ASXL2: variants seen among roughly 807,000 people sequenced by gnomAD.
The protein encoded by ASXL2 is putative Polycomb group protein ASXL2.
A neutral mutation model predicts 122.0 loss-of-function variants in ASXL2; 23 were observed. That is an observed-to-expected ratio of 0.19 (90% CI 0.14 to 0.27). The LOEUF is 0.27. ASXL2 is among the 10% of genes least tolerant of loss of function. ASXL2 has a pLI of 1.00. For synonymous variants in ASXL2, 650 were observed against 637.0 expected, an observed-to-expected ratio of 1.02 and a Z score of -0.31; for missense variants, 1,518 against 1,713.8, an observed-to-expected ratio of 0.89 and a Z score of 2.02.
At chr2:25,827,245 T>G (rs1212203017) in intron 3 of ASXL2, among the ~76,000 whole-genome samples, 6 of 152,184 alleles carry the variant, frequency 3.9e-5, no homozygotes, top group African/African-American at 1.4e-4. Context: ...CCCACAATCA[T>G]TATTCACATA....
intron 1 of ASXL2, among the ~76,000 whole-genome samples, chr2:25,877,346 A>G (rs542229544): frequency 1.3e-5 from 2 of 152,312 alleles, no homozygotes; most frequent in South Asian, 2.1e-4. Context: ...AAATATGGTA[A>G]AAGTTCTCAC....
chr2:25,840,538 C>T (rs905956362), intron 2 of ASXL2, among the ~76,000 whole-genome samples: 2 of 152,338 alleles, frequency 1.3e-5, no homozygotes, highest in South Asian at 2.1e-4. Context: ...TTCCCCACTA[C>T]TCCAGTCTGT....
chr2:25,773,679 C>A (rs1448311181), intron 5 of ASXL2, among the ~76,000 whole-genome samples: 48 of 123,030 alleles, frequency 3.9e-4, no homozygotes, highest in Non-Finnish European at 5.5e-4. Flanking sequence ...AAAAAAAAAA[C>A]AAAAATCATA....
At chr2:25,782,234 G>C (rs1011009505) in intron 5 of ASXL2, among the ~76,000 whole-genome samples, 41 of 151,970 alleles carry the variant, frequency 2.7e-4, no homozygotes, top group Middle Eastern at 3.4e-3. Flanking sequence ...GCTTTCTCTT[G>C]CTTACCTGTG....
intron 1 of ASXL2, among the ~76,000 whole-genome samples, chr2:25,873,990 A>G (rs1407763532): frequency 6.6e-6 from 1 of 152,202 alleles, no homozygotes; most frequent in Non-Finnish European, 1.5e-5. Flanking sequence ...AATCCTCAGG[A>G]TGTCATCAAA....
At chr2:25,859,620 A>G in intron 1 of ASXL2, among the ~76,000 whole-genome samples, 1 of 152,236 alleles carries the variant, frequency 6.6e-6, no homozygotes, top group East Asian at 1.9e-4. Context: ...TAGCTATACA[A>G]CCTGGACAAA....
In ASXL2 at chr2:25,743,903, T is replaced by C. The variant is rs1424477020; in HGVS notation, c.2434A>G (p.Thr812Ala). The change falls in exon 13 of 13, where the codon ACA becomes GCA. Residue 812 changes from threonine (T) to alanine (A), a missense_variant. By Grantham distance (58) the Thr-to-Ala change is moderately conservative (BLOSUM62 0). Transcript: ENST00000435504. Reference protein sequence around the residue: ...DNEKLNPTRATATVASVSHPQ... With the variant: ...DNEKLNPTRAAATVASVSHPQ... Reference sequence around the variant, plus strand: ...TGGCTGACAGAGGCCACTGTGGCTGTTGCTCTGGTGGGGTTCAGTTTTTCA... The same window carrying C: ...TGGCTGACAGAGGCCACTGTGGCTGCTGCTCTGGTGGGGTTCAGTTTTTCA... The C allele has an allele frequency of 1.2e-6, 2 of 1,613,874 alleles. No individual in the cohort carries two copies. Among genetic ancestry groups the C allele is most frequent in the Non-Finnish European group, 1.7e-6 (2 of 1,179,884 alleles).
chr2:25,854,863 A>T (rs1440502377), intron 1 of ASXL2, among the ~76,000 whole-genome samples: 2 of 152,160 alleles, frequency 1.3e-5, no homozygotes, highest in Non-Finnish European at 2.9e-5. Context: ...CATCCTCTAT[A>T]GTAAGCCATT....
At chr2:25,790,668 C>A (rs1456896473) in intron 5 of ASXL2, among the ~76,000 whole-genome samples, 1 of 151,818 alleles carries the variant, frequency 6.6e-6, no homozygotes, top group Non-Finnish European at 1.5e-5. Flanking sequence ...AGCTTATATA[C>A]CAGTGATGAG....
rs2089957667 is a variant in ASXL2, at chr2:25,870,891, A to G, written c.57+7275T>C. Among the ~76,000 whole-genome samples the G allele has an allele frequency of 2.0e-5, 3 of 152,220 alleles. No homozygotes were observed. The South Asian group carries it at 6.2e-4, about 31-fold the overall frequency. ...GGTAAGTAAATATTTTCAATATTTC[A>G]GTATGCAGACTTTCACTTAATTCCT... is the stretch of plus-strand genomic sequence containing the variant. On this transcript the variant is annotated intron_variant, in intron 1 of 12. Transcript: ENST00000435504.
At chr2:25,854,867 AGCCATTTTAAGAGACT>A (rs1369900246) in intron 1 of ASXL2, among the ~76,000 whole-genome samples, 1 of 152,152 alleles carries the variant, frequency 6.6e-6, no homozygotes, top group African/African-American at 2.4e-5. Flanking sequence ...CTCTATAGTA[AGCCATTTTAAGAGACT>A]GCTGCCAGTG....
At chr2:25,796,367 G>A (rs974975933) in intron 5 of ASXL2, among the ~76,000 whole-genome samples, 2 of 152,148 alleles carry the variant, frequency 1.3e-5, no homozygotes, top group Non-Finnish European at 2.9e-5. Flanking sequence ...GAACATGTCA[G>A]TCCTTGTAAA....
chr2:25,809,987 T>A (rs1488623602), intron 3 of ASXL2: 1 of 531,764 alleles, frequency 1.9e-6, no homozygotes, highest in East Asian at 5.1e-5. Flanking sequence ...TGCCCCTCTT[T>A]GGTACATTTT....
intron 1 of ASXL2, among the ~76,000 whole-genome samples, chr2:25,861,328 C>G (rs2891480): frequency 8.6e-5 from 13 of 151,894 alleles, no homozygotes; most frequent in African/African-American, 3.1e-4. Flanking sequence ...ATAAAGAAAT[C>G]TTGAACAATT....
intron 3 of ASXL2, among the ~76,000 whole-genome samples, chr2:25,815,828 G>C (rs766163001): frequency 1.1e-4 from 17 of 152,116 alleles, no homozygotes; most frequent in Non-Finnish European, 2.4e-4. Context: ...TTTACATCGT[G>C]TTTCCTGTCA....
intron 1 of ASXL2, among the ~76,000 whole-genome samples, chr2:25,867,499 T>TA (rs747414549): frequency 5.3e-5 from 8 of 151,974 alleles, no homozygotes; most frequent in African/African-American, 1.4e-4. Flanking sequence ...TAAGTATAGG[T>TA]AAAAAAAGGT....
chr2:25,818,250 T>C (rs2089261901), intron 3 of ASXL2, among the ~76,000 whole-genome samples: 1 of 152,264 alleles, frequency 6.6e-6, no homozygotes. Flanking sequence ...GGCTCACGCC[T>C]GTAATTCCAG....
chr2:25,774,232 C>T (rs2088508477), intron 5 of ASXL2, among the ~76,000 whole-genome samples: 1 of 151,844 alleles, frequency 6.6e-6, no homozygotes, highest in Non-Finnish European at 1.5e-5. Context: ...ATACAAACAA[C>T]CTGCACATGT....
intron 1 of ASXL2, among the ~76,000 whole-genome samples, chr2:25,859,546 T>C (rs1307377550): frequency 6.6e-6 from 1 of 152,174 alleles, no homozygotes; most frequent in Non-Finnish European, 1.5e-5. Flanking sequence ...CCTCAAAATA[T>C]AGGGATGAGT....
Sources: allele counts gnomAD v4.1 joint callset (sites outside exome capture counted in the v4.1 genomes callset), GRCh38; gene constraint gnomAD v4.1.1; transcripts MANE v1.5; gene names NCBI Gene and HGNC (gene_info 2026-07-23, HGNC 2026-07-21).